Variants in DDC observed in about 807,000 individuals in gnomAD.
DDC encodes the protein aromatic-L-amino-acid decarboxylase.
In DDC, 43 loss-of-function variants were observed where a neutral mutation model predicts 60.0. The ratio of observed to expected loss-of-function variants is 0.72; its 90% confidence interval spans 0.56 to 0.92. DDC has a LOEUF of 0.92. Ranked by LOEUF, DDC falls within the 40% of genes least tolerant of loss-of-function variation. DDC has a pLI of 0.00. For missense variants in DDC, 573 were observed against 620.2 expected, an observed-to-expected ratio of 0.92 and a Z score of 0.81; for synonymous variants, 232 against 234.6, an observed-to-expected ratio of 0.99 and a Z score of 0.10.
At chr7:50,537,806 G>T in intron 4 of DDC, 54 bp downstream of exon 4, 1 of 1,611,834 alleles carries the variant, frequency 6.2e-7, no homozygotes, top group South Asian at 1.1e-5. Flanking sequence ...TGCGGCTACA[G>T]TCCTGTGCAG....
At chr7:50,527,865 CAA>C (rs59085745) in intron 6 of DDC, 518 of 322,954 alleles carry the variant, frequency 1.6e-3, no homozygotes, top group South Asian at 3.7e-3. Flanking sequence ...ATTGACAAAA[CAA>C]AAAAAAAAAT....
chr7:50,527,965 C>T (rs999729297), intron 6 of DDC, 172 bp downstream of exon 6: 19 of 639,506 alleles, frequency 3.0e-5, no homozygotes, highest in Non-Finnish European at 5.0e-5. Context: ...GGCGCGATCT[C>T]GGCTCACTGC....
At position 50,528,818 on chromosome 7, in the gene DDC, C is replaced by T. The variant is rs531923486; in HGVS notation, c.570+390G>A. 3.4e-4 allele frequency among the ~76,000 whole-genome samples: 52 copies of T among 152,250 alleles called. No homozygotes were observed. In the South Asian group the frequency reaches 0.011, roughly 32 times the overall value. On this transcript the variant is annotated intron_variant, in intron 5 of 14. Transcript: ENST00000444124. Reference sequence around the variant, plus strand: ...GCCACCTTTTGCCCTGCAGCCCCCACCGCCACTGTCTCCTGCTTGACGCTA... The same window carrying T: ...GCCACCTTTTGCCCTGCAGCCCCCATCGCCACTGTCTCCTGCTTGACGCTA...
chr7:50,484,658 C>T (rs1048316151), intron 9 of DDC, among the ~76,000 whole-genome samples: 2 of 151,926 alleles, frequency 1.3e-5, no homozygotes, highest in African/African-American at 4.8e-5. Context: ...TACATGGGCA[C>T]ACACACACAC....
chr7:50,530,335 CAG>C (rs2044164452), intron 4 of DDC, among the ~76,000 whole-genome samples: 1 of 152,114 alleles, frequency 6.6e-6, no homozygotes, highest in African/African-American at 2.4e-5. Flanking sequence ...TGTGAGGACA[CAG>C]GGAGAAGGTG....
At chr7:50,543,207 G>C (rs1283422302) in intron 2 of DDC, 1 of 156,130 alleles carries the variant, frequency 6.4e-6, no homozygotes, top group African/African-American at 2.4e-5. Context: ...GACTAGGCCA[G>C]AGCCACTTTA....
intron 9 of DDC, chr7:50,492,649 T>C: frequency 8.3e-7 from 1 of 1,208,242 alleles, no homozygotes; most frequent in Non-Finnish European, 1.0e-6. Context: ...CTCTCTTGTG[T>C]CTTAGGGCTT....
chr7:50,510,793 A>T (rs1227285587), intron 6 of DDC, among the ~76,000 whole-genome samples: 3 of 151,784 alleles, frequency 2.0e-5, no homozygotes, highest in Non-Finnish European at 4.4e-5. Context: ...CATCCTGGCT[A>T]ACACGGTAAA....
At chr7:50,527,994 T>G in intron 6 of DDC, 143 bp downstream of exon 6, 1 of 906,672 alleles carries the variant, frequency 1.1e-6, no homozygotes, top group South Asian at 1.7e-5. Context: ...CCTCCCGGGT[T>G]CACGCCATTC....
At chr7:50,474,420 T>C (rs1054205677) in intron 11 of DDC, among the ~76,000 whole-genome samples, 2 of 151,700 alleles carry the variant, frequency 1.3e-5, no homozygotes, top group African/African-American at 2.4e-5. Flanking sequence ...GAACCTAGGG[T>C]TGGGAAGAAG....
intron 4 of DDC, among the ~76,000 whole-genome samples, chr7:50,532,482 A>G (rs919488159): frequency 4.6e-5 from 7 of 152,214 alleles, no homozygotes; most frequent in South Asian, 2.1e-4. Context: ...TGTAACAGTC[A>G]TAACTCTGGT....
intron 10 of DDC, among the ~76,000 whole-genome samples, chr7:50,478,160 C>G (rs2042689835): frequency 6.6e-6 from 1 of 151,992 alleles, no homozygotes; most frequent in South Asian, 2.1e-4. Context: ...CTGCAGAGAG[C>G]CAAGGTTGCA....
intron 8 of DDC, among the ~76,000 whole-genome samples, chr7:50,498,597 G>A (rs547877445): frequency 9.8e-5 from 15 of 152,312 alleles, no homozygotes; most frequent in African/African-American, 1.4e-4. Flanking sequence ...TTGGAGAAGC[G>A]GAGTGCTGGT....
intron 1 of DDC, among the ~76,000 whole-genome samples, chr7:50,547,096 A>G (rs755159491): frequency 3.9e-5 from 6 of 152,204 alleles, no homozygotes; most frequent in Non-Finnish European, 5.9e-5. Context: ...TCAAATTAAT[A>G]TGACTCAAAT....
intron 10 of DDC, 140 bp from the exon 11 acceptor site, chr7:50,476,783 G>A (rs2042656403): frequency 2.7e-6 from 2 of 743,712 alleles, no homozygotes; most frequent in Admixed American, 4.1e-5. Context: ...GGGTCTGGGT[G>A]TTCTTTGCGG....
chr7:50,526,199 C>T (rs1356022243), intron 6 of DDC, among the ~76,000 whole-genome samples: 1 of 152,170 alleles, frequency 6.6e-6, no homozygotes, highest in African/African-American at 2.4e-5. Flanking sequence ...AAGGAAATGT[C>T]ATATTTTTGT....
At chr7:50,493,027 C>A in intron 9 of DDC, 1 of 1,565,320 alleles carries the variant, frequency 6.4e-7, no homozygotes, top group Non-Finnish European at 8.7e-7. Context: ...ACGCCGCATT[C>A]ATTACACTCC....
chr7:50,460,134 G>C (rs181073364), intron 14 of DDC, among the ~76,000 whole-genome samples: 1 of 140,288 alleles, frequency 7.1e-6, no homozygotes, highest in African/African-American at 2.7e-5. Context: ...GCCCCTACTG[G>C]GAAGTGAGGA....
intron 12 of DDC, among the ~76,000 whole-genome samples, chr7:50,469,223 C>T (rs1237250638): frequency 2.2e-5 from 3 of 139,508 alleles, no homozygotes; most frequent in East Asian, 2.1e-4. Flanking sequence ...GGATTACATG[C>T]GTGAGCCACC....
Sources: gnomAD v4.1 joint callset for allele counts (sites outside exome capture counted in the v4.1 genomes callset) on GRCh38, gnomAD v4.1.1 for gene constraint, MANE v1.5 for transcripts, NCBI Gene and HGNC (gene_info 2026-07-23, HGNC 2026-07-21) for gene names.